The following PDE8A variants were observed in gnomAD, a reference collection of about 807,000 sequenced individuals.
PDE8A encodes phosphodiesterase 8A.
Under a neutral mutation model 105.0 loss-of-function variants are expected in PDE8A, and 59 were observed. The observed-to-expected ratio is 0.56, with a 90% confidence interval of 0.46 to 0.70. The LOEUF (loss-of-function observed/expected upper bound fraction) is 0.70. Ranked by LOEUF, PDE8A falls within the 30% of genes least tolerant of loss-of-function variation. The probability of loss-of-function intolerance (pLI) is 0.00; values close to 1 mark genes in which losing one functional copy is unlikely to be tolerated. For missense variants in PDE8A, 1,014 were observed against 1,045.9 expected (o/e 0.97, Z 0.42); for synonymous variants, 355 against 371.9 (o/e 0.95, Z 0.52).
At chr15:85,026,242 A>G (rs2080514117) in intron 1 of PDE8A, among the ~76,000 whole-genome samples, 1 of 152,168 alleles carries the variant, frequency 6.6e-6, no homozygotes, top group African/African-American at 2.4e-5. Flanking sequence ...GACAGGGTAC[A>G]ATGGGAGGTG....
rs181432070 is a variant in PDE8A at position 84,999,984 on chromosome 15, T to C, written c.186+17636T>C. Among the ~76,000 whole-genome samples, 8 of 152,300 alleles carry C rather than the reference T, an allele frequency of 5.3e-5. No individual in the cohort carries two copies. The East Asian group carries it at 1.5e-3, about 29-fold the overall frequency. ...AACCTGTATAGAAATCTAAACATAT[T>C]GTTGCTGCAATACAGTTAAAAAGAG... On this transcript the variant is annotated intron_variant, in intron 1 of 21. Coordinates refer to ENST00000394553, the MANE Select transcript of PDE8A (RefSeq NM_002605.3).
At chr15:85,054,430 C>G (rs2081027385) in intron 1 of PDE8A, among the ~76,000 whole-genome samples, 1 of 152,178 alleles carries the variant, frequency 6.6e-6, no homozygotes. Flanking sequence ...TAGAATTCAG[C>G]TGTGAATCCA....
chr15:85,045,220 G>T (rs1044763301), intron 1 of PDE8A, among the ~76,000 whole-genome samples: 1 of 152,208 alleles, frequency 6.6e-6, no homozygotes, highest in African/African-American at 2.4e-5. Context: ...GTTAATCAGA[G>T]ATATTGTCTG....
At chr15:85,049,335 A>G (rs1252027278) in intron 1 of PDE8A, among the ~76,000 whole-genome samples, 1 of 152,176 alleles carries the variant, frequency 6.6e-6, no homozygotes, top group Non-Finnish European at 1.5e-5. Flanking sequence ...TATCAATTAA[A>G]CAAGAGCTTC....
chr15:85,070,681 G>A (rs2081298049), intron 3 of PDE8A, among the ~76,000 whole-genome samples: 2 of 152,218 alleles, frequency 1.3e-5, no homozygotes, highest in Admixed American at 6.5e-5. Flanking sequence ...TCAGGCAGAT[G>A]TGGAGTAGGT....
chr15:84,988,460 C>A (rs746283724), intron 1 of PDE8A, among the ~76,000 whole-genome samples: 1 of 152,208 alleles, frequency 6.6e-6, no homozygotes, highest in Non-Finnish European at 1.5e-5. Context: ...TGCCAGTTAA[C>A]TCCTGAAGCT....
intron 1 of PDE8A, among the ~76,000 whole-genome samples, chr15:85,008,600 T>TC (rs2080187752): frequency 6.6e-6 from 1 of 152,148 alleles, no homozygotes; most frequent in African/African-American, 2.4e-5. Context: ...TTATACCTTA[T>TC]CCTGGCTACC....
At position 85,049,910 on chromosome 15, in the gene PDE8A, C is replaced by T. The variant is rs2080945511; in HGVS notation, c.187-14460C>T. Among the ~76,000 whole-genome samples the T allele has an allele frequency of 3.3e-5, 5 of 152,226 alleles. No homozygotes were observed. The South Asian group carries it at 8.3e-4, about 25-fold the overall frequency. On this transcript the variant is annotated intron_variant, in intron 1 of 21. Transcript: ENST00000394553. Reference sequence around the variant, plus strand: ...TTTAATTTTTTGAGGAATTGCCATTCTGTTTTCTGCAGCAGCTATACCATT... The same window carrying T: ...TTTAATTTTTTGAGGAATTGCCATTTTGTTTTCTGCAGCAGCTATACCATT...
At chr15:85,127,026 T>C (rs1215406919) in intron 20 of PDE8A, among the ~76,000 whole-genome samples, 4 of 152,106 alleles carry the variant, frequency 2.6e-5, no homozygotes, top group African/African-American at 9.7e-5. Flanking sequence ...TGAGACCTTG[T>C]CTCTACAAAA....
At chr15:85,130,344 A>C (rs1022273269) in intron 20 of PDE8A, among the ~76,000 whole-genome samples, 5 of 152,178 alleles carry the variant, frequency 3.3e-5, no homozygotes, top group Admixed American at 3.3e-4. Context: ...ATATCAAAGC[A>C]TATGCTATTT....
At chr15:85,115,804 CCA>C in intron 15 of PDE8A, 178 bp from the exon 16 acceptor site, 1 of 587,022 alleles carries the variant, frequency 1.7e-6, no homozygotes, top group South Asian at 2.1e-5. Context: ...GCCTGTAATC[CCA>C]CTACTCAGGA....
intron 1 of PDE8A, among the ~76,000 whole-genome samples, chr15:85,056,559 T>C (rs2081063045): frequency 6.6e-6 from 1 of 152,198 alleles, no homozygotes; most frequent in South Asian, 2.1e-4. Flanking sequence ...TTCATTCATT[T>C]GATCTTCAGT....
At chr15:85,009,422 G>A (rs1251735260) in intron 1 of PDE8A, among the ~76,000 whole-genome samples, 2 of 152,138 alleles carry the variant, frequency 1.3e-5, no homozygotes, top group Admixed American at 6.6e-5. Context: ...AAATAAGGAT[G>A]TTACAGATCC....
intron 1 of PDE8A, among the ~76,000 whole-genome samples, chr15:85,030,124 G>T (rs190077934): frequency 6.6e-6 from 1 of 152,106 alleles, no homozygotes; most frequent in Admixed American, 6.5e-5. Flanking sequence ...CCTCCCTTTG[G>T]TTACTTCCAT....
rs56139149 is a variant in PDE8A at position 85,123,867 on chromosome 15, C to T, written c.2085+674C>T. Among the ~76,000 whole-genome samples the T allele has an allele frequency of 6.7e-3, 1,021 of 152,292 alleles. 6 individuals carry two copies. The highest frequency in any genetic ancestry group is 0.012 in the South Asian group (57 of 4,822). Reference sequence around the variant, plus strand: ...GCACATCCAACTAGATGGGAAAACTCGAAAGGAAGGTCAGATTTTAGATAA... The same window carrying T: ...GCACATCCAACTAGATGGGAAAACTTGAAAGGAAGGTCAGATTTTAGATAA... On this transcript the variant is annotated intron_variant, in intron 19 of 21. Transcript: ENST00000394553.
intron 2 of PDE8A, 82 bp from the exon 3 acceptor site, chr15:85,066,932 C>G (rs571165747): frequency 9.5e-7 from 1 of 1,056,362 alleles, no homozygotes; most frequent in Non-Finnish European, 1.4e-6. Flanking sequence ...GAGCAAGACT[C>G]TGTCTCAAGA....
intron 1 of PDE8A, among the ~76,000 whole-genome samples, chr15:85,017,188 G>A (rs1247114026): frequency 1.3e-5 from 2 of 151,382 alleles, no homozygotes; most frequent in Non-Finnish European, 2.9e-5. Flanking sequence ...GTGAACCCGG[G>A]AAGCAGAGCT....
At chr15:85,069,150 C>G (rs745470718) in intron 3 of PDE8A, among the ~76,000 whole-genome samples, 2 of 152,250 alleles carry the variant, frequency 1.3e-5, no homozygotes, top group African/African-American at 2.4e-5. Flanking sequence ...CACACAAATA[C>G]CAAATTCCAT....
intron 1 of PDE8A, among the ~76,000 whole-genome samples, chr15:84,988,928 A>G (rs2079844581): frequency 6.6e-6 from 1 of 152,214 alleles, no homozygotes; most frequent in African/African-American, 2.4e-5. Flanking sequence ...AAGGGCTTTT[A>G]TTCATGTTCC....
Sources: allele counts gnomAD v4.1 joint callset (sites outside exome capture counted in the v4.1 genomes callset), GRCh38; gene constraint gnomAD v4.1.1; transcripts MANE v1.5; gene names NCBI Gene and HGNC (gene_info 2026-07-23, HGNC 2026-07-21).